Variants in CSMD1 observed in about 807,000 individuals in gnomAD.
CSMD1 encodes CUB and sushi domain-containing protein 1.
CSMD1 carries 213 observed loss-of-function variants against 417.5 expected under a neutral mutation model. That is an observed-to-expected ratio of 0.51 (90% confidence interval 0.46 to 0.57). CSMD1 has a LOEUF of 0.57. Among genes scored for constraint, CSMD1 ranks in the 20% least tolerant of loss-of-function variants. CSMD1 has a pLI of 0.00. For synonymous variants in CSMD1, 2,862 were observed against 1,736.8 expected (o/e 1.65, Z -16.11); for missense variants, 6,923 against 4,529.7 (o/e 1.53, Z -15.17).
intron 52 of CSMD1, among the ~76,000 whole-genome samples, chr8:3,012,375 T>G (rs1035639217): frequency 1.3e-5 from 2 of 152,184 alleles, no homozygotes; most frequent in Non-Finnish European, 2.9e-5. Context: ...CATCCATTCC[T>G]GTGTTTGGCC....
chr8:4,881,218 C>A (rs566840697), intron 1 of CSMD1, among the ~76,000 whole-genome samples: 24 of 152,170 alleles, frequency 1.6e-4, no homozygotes, highest in African/African-American at 5.8e-4. Flanking sequence ...ATACATAGGT[C>A]CATTCTAGTA....
intron 48 of CSMD1, among the ~76,000 whole-genome samples, chr8:3,090,548 G>A (rs932586278): frequency 1.3e-5 from 2 of 152,068 alleles, no homozygotes; most frequent in South Asian, 4.1e-4. Context: ...CAACCAGAGT[G>A]AGCTAAAACC....
intron 5 of CSMD1, among the ~76,000 whole-genome samples, chr8:3,774,747 A>G (rs1045375852): frequency 3.9e-5 from 6 of 152,130 alleles, no homozygotes; most frequent in Non-Finnish European, 7.3e-5. Context: ...AAGGATTTCT[A>G]TTTACTATTC....
intron 15 of CSMD1, among the ~76,000 whole-genome samples, chr8:3,404,334 C>CA (rs60637061): frequency 5.0e-5 from 7 of 140,614 alleles, no homozygotes; most frequent in African/African-American, 1.6e-4. Context: ...GACGCTATCT[C>CA]AAAAAAAAAA....
At chr8:3,879,059 G>C (rs1227962332) in intron 5 of CSMD1, among the ~76,000 whole-genome samples, 1 of 152,136 alleles carries the variant, frequency 6.6e-6, no homozygotes, top group East Asian at 1.9e-4. Context: ...CTAAGAACAG[G>C]GATAGCATCT....
At chr8:4,101,316 C>G (rs911601338) in intron 3 of CSMD1, among the ~76,000 whole-genome samples, 2 of 152,168 alleles carry the variant, frequency 1.3e-5, no homozygotes, top group African/African-American at 4.8e-5. Flanking sequence ...ACTTGAACAG[C>G]TGTGGAAGGA....
chr8:3,803,122 C>G (rs770169419), intron 5 of CSMD1, among the ~76,000 whole-genome samples: 1 of 152,156 alleles, frequency 6.6e-6, no homozygotes, highest in African/African-American at 2.4e-5. Context: ...CATGCTGTCT[C>G]TTTGAAGGAC....
In CSMD1 at chr8:4,257,137, T is replaced by C. The variant is rs550848905; in HGVS notation, c.415+162816A>G. ...ATATGAGTCATACTCACCACATTTG[T>C]TACCTAGGGCAAATTACTAAAAGTT... On this transcript the variant is annotated intron_variant, in intron 3 of 69. Coordinates refer to ENST00000635120, the MANE Select transcript of CSMD1 (RefSeq NM_033225.6). Among the ~76,000 whole-genome samples, 229 of 152,292 alleles carry C rather than the reference T, an allele frequency of 1.5e-3. 2 individuals carry two copies. Among genetic ancestry groups the C allele is most frequent in the Admixed American group, 3.0e-3 (46 of 15,298 alleles).
At chr8:4,903,253 T>A (rs1375382504) in intron 1 of CSMD1, among the ~76,000 whole-genome samples, 1 of 152,192 alleles carries the variant, frequency 6.6e-6, no homozygotes, top group African/African-American at 2.4e-5. Context: ...ACTTAGTGTG[T>A]CATCTTCATT....
rs577561322 is a variant in CSMD1, at chr8:4,956,864, T to G, written c.85+37468A>C. On this transcript the variant is annotated intron_variant, in intron 1 of 69. Transcript: ENST00000635120. ...TGCAGAAGTCAGTGTGAACTCATGG[T>G]GTTCCCTCCACACCAAGCGGCAATC... 2.6e-5 allele frequency among the ~76,000 whole-genome samples: 4 copies of G among 152,274 alleles called. No homozygotes were observed. In the South Asian group the frequency reaches 8.3e-4, roughly 32 times the overall value.
rs75890708 is a variant in CSMD1 at position 4,109,893 on chromosome 8, G to T, written c.416-77794C>A. On this transcript the variant is annotated intron_variant, in intron 3 of 69. Transcript: ENST00000635120. ...TCATTGTGCTTTTTCTCATAATAAA[G>T]TTCTTTTCCAGGCAATTTGGGCACA... Among the ~76,000 whole-genome samples, 1,110 of 152,174 alleles carry T rather than the reference G, an allele frequency of 7.3e-3. 18 individuals are homozygous for T. Among genetic ancestry groups the T allele is most frequent in the African/African-American group, 0.025 (1,053 of 41,534 alleles).
chr8:3,687,316 T>A (rs1166875820), intron 7 of CSMD1, among the ~76,000 whole-genome samples: 1 of 152,210 alleles, frequency 6.6e-6, no homozygotes, highest in East Asian at 1.9e-4. Flanking sequence ...GAAAAGGTGA[T>A]CTGCTCCATG....
intron 2 of CSMD1, among the ~76,000 whole-genome samples, chr8:4,518,917 G>T (rs188433078): frequency 6.6e-6 from 1 of 152,104 alleles, no homozygotes; most frequent in Non-Finnish European, 1.5e-5. Flanking sequence ...ATCGTGTCAT[G>T]AGTTAAAGAA....
At chr8:4,970,419 A>T (rs1277434776) in intron 1 of CSMD1, among the ~76,000 whole-genome samples, 3 of 152,166 alleles carry the variant, frequency 2.0e-5, no homozygotes, top group African/African-American at 7.2e-5. Context: ...TCAACTTTAC[A>T]AACATAATTC....
chr8:4,003,930 T>A, intron 4 of CSMD1, among the ~76,000 whole-genome samples: 1 of 134,176 alleles, frequency 7.5e-6, no homozygotes, highest in South Asian at 2.5e-4. Context: ...TTTTTCATTT[T>A]TTTAGAAAAC....
intron 26 of CSMD1, among the ~76,000 whole-genome samples, chr8:3,231,897 T>C (rs902076351): frequency 6.6e-5 from 10 of 152,322 alleles, no homozygotes; most frequent in African/African-American, 2.4e-4. Flanking sequence ...AGATGAAGTG[T>C]GAAAATTTGC....
intron 10 of CSMD1, among the ~76,000 whole-genome samples, chr8:3,526,717 G>A (rs772009073): frequency 6.6e-6 from 1 of 152,150 alleles, no homozygotes; most frequent in Non-Finnish European, 1.5e-5. Context: ...TCACTTCCTA[G>A]CTGTATCCCC....
Position 4,452,046 on chromosome 8 carries a change from G to A in CSMD1, c.303-31981C>T, listed in dbSNP as rs189810959. Among the ~76,000 whole-genome samples the A allele has an allele frequency of 4.0e-5, 6 of 151,818 alleles. No individual in the cohort carries two copies. The East Asian group carries it at 1.2e-3, about 29-fold the overall frequency. ...AGCCTGCCTTCTCACCAGAGGGGTGGAAGAGGAAGATTAGGGGCCAGAATG... is the reference window on the plus strand; with the variant it reads ...AGCCTGCCTTCTCACCAGAGGGGTGAAAGAGGAAGATTAGGGGCCAGAATG... On this transcript the variant is annotated intron_variant, in intron 2 of 69. Coordinates refer to ENST00000635120, the MANE Select transcript of CSMD1 (RefSeq NM_033225.6).
intron 18 of CSMD1, among the ~76,000 whole-genome samples, chr8:3,384,980 C>T (rs1810900405): frequency 1.8e-5 from 2 of 111,516 alleles, no homozygotes; most frequent in Non-Finnish European, 3.3e-5. Flanking sequence ...GCATATATAG[C>T]ATATATAATA....
Sources: gnomAD v4.1 joint callset for allele counts (sites outside exome capture counted in the v4.1 genomes callset) on GRCh38, gnomAD v4.1.1 for gene constraint, MANE v1.5 for transcripts, NCBI Gene and HGNC (gene_info 2026-07-23, HGNC 2026-07-21) for gene names.